The following MYO6 variants were observed in gnomAD, a reference collection of about 807,000 sequenced individuals.
MYO6 encodes unconventional myosin-VI.
MYO6 carries 74 observed loss-of-function variants against 178.7 expected under a neutral mutation model. That is an observed-to-expected ratio of 0.41 (90% CI 0.34 to 0.50). The LOEUF (loss-of-function observed/expected upper bound fraction) is 0.50. Ranked by LOEUF, MYO6 falls within the 20% of genes least tolerant of loss-of-function variation. The pLI is 0.09. For synonymous variants in MYO6, 477 were observed against 504.6 expected (o/e 0.95, Z 0.73); for missense variants, 1,330 against 1,547.4 (o/e 0.86, Z 2.36).
chr6:75,862,740 T>C lies in MYO6; in HGVS notation c.1674+17T>C. The C allele has an allele frequency of 6.2e-7, 1 of 1,613,356 alleles. No homozygotes were observed. Among genetic ancestry groups the C allele is most frequent in the East Asian group, 2.2e-5 (1 of 44,856 alleles). ...CGACTCACTGTGAGTTTTGCCATTC[T>C]GAAATTGAGACTATGGTGGGACGAG... On this transcript the variant is annotated intron_variant, in intron 16 of 34. Transcript: ENST00000369977.
chr6:75,879,850 G>A lies in MYO6; in HGVS notation c.2108G>A (p.Gly703Asp), dbSNP rs1483100938. 1 of 1,614,062 alleles carries A rather than the reference G, an allele frequency of 6.2e-7. No individual in the cohort carries two copies. The highest frequency in any genetic ancestry group is 8.5e-7 in the Non-Finnish European group (1 of 1,180,004). Reference sequence around the variant, plus strand: ...GTGTCTGTTTTGGACTTGATGCAGGGTGGTTACCCATCACGAGCTTCATTT... The same window carrying A: ...GTGTCTGTTTTGGACTTGATGCAGGATGGTTACCCATCACGAGCTTCATTT... ...GMVSVLDLMQGGYPSRASFHE... is the reference protein window; with the variant it reads ...GMVSVLDLMQDGYPSRASFHE... Residue 703 changes from glycine to aspartate, a missense_variant, in exon 21 of 35, where the codon GGT (glycine) becomes GAT (aspartate). Coordinates refer to ENST00000369977, the MANE Select transcript of MYO6 (RefSeq NM_004999.4).
chr6:75,818,911 A>G (rs769428649), intron 2 of MYO6, among the ~76,000 whole-genome samples: 7 of 152,038 alleles, frequency 4.6e-5, no homozygotes, highest in Non-Finnish European at 7.4e-5. Context: ...AAGGCTTTTG[A>G]TTTTTGTTTA....
intron 28 of MYO6, among the ~76,000 whole-genome samples, chr6:75,894,173 C>T (rs1303502971): frequency 6.6e-6 from 1 of 152,178 alleles, no homozygotes; most frequent in Non-Finnish European, 1.5e-5. Flanking sequence ...TATCCAGTGC[C>T]ATTCCATATA....
intron 11 of MYO6, among the ~76,000 whole-genome samples, chr6:75,854,118 CA>C (rs1369035682): frequency 6.6e-6 from 1 of 152,016 alleles, no homozygotes; most frequent in Non-Finnish European, 1.5e-5. Context: ...TGTACTAAGG[CA>C]AAAATGACCT....
At position 75,890,101 on chromosome 6, in the gene MYO6, A is replaced by T; in HGVS notation, c.2703A>T (p.Ala901=). 1 of 1,614,008 alleles carries T rather than the reference A, an allele frequency of 6.2e-7. No individual in the cohort carries two copies. The part of the protein sequence containing the change: ...TQEQIQKEYD[A]LVKSSEELLS... ...AACAAATCCAGAAAGAATATGATGC[A>T]CTGGTTAAAAGCTCAGAGGAACTCC... The change falls in exon 26 of 35, where the codon GCA becomes GCT. Residue 901 remains alanine, a synonymous_variant. Transcript: ENST00000369977.
intron 30 of MYO6, among the ~76,000 whole-genome samples, chr6:75,905,374 G>T (rs1247826164): frequency 6.6e-6 from 1 of 152,218 alleles, no homozygotes; most frequent in South Asian, 2.1e-4. Context: ...AAGAGACTCC[G>T]TGGGCGTAGG....
chr6:75,856,718 T>G (rs1291784964), intron 12 of MYO6, among the ~76,000 whole-genome samples: 1 of 152,160 alleles, frequency 6.6e-6, no homozygotes, highest in East Asian at 1.9e-4. Flanking sequence ...CATTTTATCC[T>G]AAACAGTGTA....
intron 1 of MYO6, among the ~76,000 whole-genome samples, chr6:75,805,088 G>T (rs560009370): frequency 1.1e-4 from 15 of 134,342 alleles, no homozygotes; most frequent in Non-Finnish European, 2.0e-4. Context: ...GCAGTGGCAT[G>T]ATCTTAGCTC....
intron 1 of MYO6, among the ~76,000 whole-genome samples, chr6:75,780,030 G>A (rs1766797020): frequency 6.6e-6 from 1 of 152,176 alleles, no homozygotes; most frequent in Non-Finnish European, 1.5e-5. Context: ...GATTCTGACT[G>A]TCTTCATGGA....
chr6:75,909,196 C>T (rs928308319), intron 32 of MYO6, among the ~76,000 whole-genome samples: 4 of 152,118 alleles, frequency 2.6e-5, no homozygotes, highest in Non-Finnish European at 4.4e-5. Flanking sequence ...ACCCCTTTTT[C>T]TAATTTTTAA....
chr6:75,844,572 TTTA>T (rs1774547135), intron 9 of MYO6, among the ~76,000 whole-genome samples: 1 of 152,136 alleles, frequency 6.6e-6, no homozygotes, highest in Non-Finnish European at 1.5e-5. Context: ...TTTTCATGAT[TTTA>T]TACACTATGT....
chr6:75,862,882 A>T (rs535579298), intron 16 of MYO6, among the ~76,000 whole-genome samples, 159 bp downstream of exon 16: 1 of 152,290 alleles, frequency 6.6e-6, no homozygotes, highest in East Asian at 1.9e-4. Flanking sequence ...AGATGGATGG[A>T]TATTTATATA....
intron 1 of MYO6, among the ~76,000 whole-genome samples, chr6:75,777,529 A>G (rs541393296): frequency 6.6e-6 from 1 of 151,570 alleles, no homozygotes; most frequent in South Asian, 2.1e-4. Flanking sequence ...CTGGGCTCAG[A>G]TGATCCTGGC....
chr6:75,855,371 GCTTGGTAGATCAAAATTCTCTACAT>G, intron 12 of MYO6, 88 bp downstream of exon 12: 2 of 1,349,356 alleles, frequency 1.5e-6, no homozygotes, highest in Non-Finnish European at 2.1e-6. Context: ...TAAAACCTGA[GCTTGGTAGATCAAAATTCTCTACAT>G]CTCAGTGTAG....
chr6:75,811,306 A>G (rs1770680151), intron 1 of MYO6, among the ~76,000 whole-genome samples: 1 of 151,874 alleles, frequency 6.6e-6, no homozygotes, highest in African/African-American at 2.4e-5. Flanking sequence ...TGGTTTTCAT[A>G]TTTTCGAATT....
chr6:75,914,862 G>C lies in MYO6; in HGVS notation c.3708G>C (p.Leu1236=). The C allele has an allele frequency of 6.2e-7, 1 of 1,614,172 alleles. No homozygotes were observed. The change falls in exon 35 of 35, where the codon CTG becomes CTC. Residue 1236 remains leucine, a synonymous_variant. Coordinates refer to ENST00000369977, the MANE Select transcript of MYO6 (RefSeq NM_004999.4). ...MCELNLEETG[L]TRKRGAEILP... is the part of the protein sequence containing the mutation. ...AGCTGAATCTTGAGGAGACTGGCCT[G>C]ACTCGGAAGCGTGGTGCTGAGATCT...
intron 1 of MYO6, among the ~76,000 whole-genome samples, chr6:75,754,821 G>A (rs1464527646): frequency 6.6e-6 from 1 of 152,104 alleles, no homozygotes; most frequent in Non-Finnish European, 1.5e-5. Context: ...ATATTTGGAT[G>A]GCATTTTATT....
intron 1 of MYO6, among the ~76,000 whole-genome samples, chr6:75,751,778 C>T (rs970750837): frequency 6.6e-6 from 1 of 152,018 alleles, no homozygotes; most frequent in East Asian, 1.9e-4. Flanking sequence ...GTTTTAAAGA[C>T]TTTGACCATG....
At position 75,862,712 on chromosome 6, in the gene MYO6, T is replaced by C; in HGVS notation, c.1663T>C (p.Phe555Leu). The C allele has an allele frequency of 6.2e-7, 1 of 1,614,098 alleles. No individual in the cohort carries two copies. Among genetic ancestry groups the C allele is most frequent in the Non-Finnish European group, 8.5e-7 (1 of 1,179,982 alleles). ...AGTTCACCAAAAGCACAAGGATCAT[T>C]TTCGACTCACTGTGAGTTTTGCCAT... is the stretch of plus-strand genomic sequence containing the variant. The part of the protein sequence containing the change: ...SAVHQKHKDH[F>L]RLTIPRKSKL... The change falls in exon 16 of 35, where the codon TTT (phenylalanine) becomes CTT (leucine). Residue 555 changes from phenylalanine (F) to leucine (L), a missense_variant. By Grantham distance (22) the Phe-to-Leu change is conservative (BLOSUM62 0). This residue lies in a region of MYO6 where 613 missense variants were observed against 816.8 expected (regional missense o/e 0.75). Coordinates refer to ENST00000369977, the MANE Select transcript of MYO6 (RefSeq NM_004999.4).
Sources: allele counts gnomAD v4.1 joint callset (sites outside exome capture counted in the v4.1 genomes callset), GRCh38; gene constraint gnomAD v4.1.1; regional missense constraint gnomAD v4.1.1; transcripts MANE v1.5; gene names NCBI Gene and HGNC (gene_info 2026-07-23, HGNC 2026-07-21).